The following MIPOL1 variants were observed in gnomAD, a reference collection of about 807,000 sequenced individuals.
The protein encoded by MIPOL1 is mirror-image polydactyly 1, also known as mirror-image polydactyly gene 1 protein.
MIPOL1 carries 57 observed loss-of-function variants against 60.9 expected under a neutral mutation model. The ratio of observed to expected loss-of-function variants is 0.94; its 90% CI spans 0.76 to 1.17. The LOEUF (loss-of-function observed/expected upper bound fraction) is 1.17, where lower values mean the gene tolerates loss of function less well. Ranked by LOEUF, MIPOL1 falls within the 50% of genes most tolerant of loss-of-function variation. The pLI is 0.00. For synonymous variants in MIPOL1, 179 were observed against 168.8 expected (o/e 1.06, Z -0.47); for missense variants, 551 against 511.6 (o/e 1.08, Z -0.74).
At chr14:37,446,285 A>G (rs532402470) in intron 11 of MIPOL1, among the ~76,000 whole-genome samples, 142 of 152,300 alleles carry the variant, frequency 9.3e-4, no homozygotes, top group African/African-American at 2.9e-3. Context: ...ACACTTCTCA[A>G]AAGAAGACAT....
At chr14:37,343,242 A>G (rs1373803491) in intron 9 of MIPOL1, among the ~76,000 whole-genome samples, 1 of 152,040 alleles carries the variant, frequency 6.6e-6, no homozygotes, top group Non-Finnish European at 1.5e-5. Flanking sequence ...TCTAAATTAA[A>G]TTGTTGATAT....
Position 37,529,211 on chromosome 14 carries a change from T to A in MIPOL1, c.1263-17694T>A, listed in dbSNP as rs147761819. On this transcript the variant is annotated intron_variant, in intron 12 of 12. Transcript: ENST00000684589. ...TATCACTTTTTGGAAAGATGTAGGATTTTAGTGGAAAATGTAGACTAGTGT... is the reference window on the plus strand; with the variant it reads ...TATCACTTTTTGGAAAGATGTAGGAATTTAGTGGAAAATGTAGACTAGTGT... 5.8e-3 allele frequency among the ~76,000 whole-genome samples: 886 copies of A among 152,286 alleles called. 10 individuals are homozygous for A. The highest frequency in any genetic ancestry group is 0.018 in the African/African-American group (766 of 41,556).
At chr14:37,505,812 A>T (rs943333166) in intron 12 of MIPOL1, 4 of 152,192 alleles carry the variant, frequency 2.6e-5, no homozygotes, top group African/African-American at 9.6e-5. Flanking sequence ...AGGAAGTCAA[A>T]TTGTCCCTGT....
At chr14:37,302,262 G>GTTTTTTTTTT (rs57468146) in intron 7 of MIPOL1, among the ~76,000 whole-genome samples, 4 of 95,032 alleles carry the variant, frequency 4.2e-5, no homozygotes, top group Non-Finnish European at 8.5e-5. Flanking sequence ...TGGAACTGTT[G>GTTTTTTTTTT]TTTTTTTTTT....
intron 6 of MIPOL1, chr14:37,276,242 T>C (rs931172586): frequency 1.3e-5 from 2 of 151,070 alleles, no homozygotes; most frequent in African/African-American, 4.8e-5. Context: ...TTTCTCTGCA[T>C]GCAAATTTAG....
intron 7 of MIPOL1, among the ~76,000 whole-genome samples, chr14:37,292,141 G>A (rs148827437): frequency 6.6e-6 from 1 of 151,772 alleles, no homozygotes; most frequent in Non-Finnish European, 1.5e-5. Context: ...TAGCCAGGAT[G>A]GTCTCTATCT....
intron 12 of MIPOL1, among the ~76,000 whole-genome samples, chr14:37,510,392 G>GT (rs947700786): frequency 2.6e-5 from 4 of 151,572 alleles, no homozygotes; most frequent in East Asian, 3.9e-4. Flanking sequence ...TATTTTTGGT[G>GT]TTTTTTTTGT....
chr14:37,308,737 T>C (rs2087008359), intron 9 of MIPOL1, among the ~76,000 whole-genome samples: 2 of 152,304 alleles, frequency 1.3e-5, no homozygotes, highest in Admixed American at 6.5e-5. Flanking sequence ...TAATGCAGTC[T>C]CATTTCTTAA....
At chr14:37,420,999 T>C (rs1431821680) in intron 10 of MIPOL1, among the ~76,000 whole-genome samples, 1 of 152,010 alleles carries the variant, frequency 6.6e-6, no homozygotes, top group Non-Finnish European at 1.5e-5. Context: ...AGGAAAAAAA[T>C]TAGATACTGG....
intron 11 of MIPOL1, among the ~76,000 whole-genome samples, chr14:37,484,131 C>T (rs1037732430): frequency 1.5e-4 from 23 of 152,024 alleles, no homozygotes; most frequent in African/African-American, 5.1e-4. Flanking sequence ...TTGTCTTTGG[C>T]GTTAGTTTTT....
At chr14:37,406,645 C>T (rs1040384877) in intron 10 of MIPOL1, among the ~76,000 whole-genome samples, 19 of 152,060 alleles carry the variant, frequency 1.2e-4, no homozygotes, top group Non-Finnish European at 2.2e-4. Flanking sequence ...AACCCACATT[C>T]CATCTGATGC....
chr14:37,471,368 G>C (rs769680508), intron 11 of MIPOL1, among the ~76,000 whole-genome samples: 1 of 152,136 alleles, frequency 6.6e-6, no homozygotes, highest in Non-Finnish European at 1.5e-5. Context: ...AACTAAAAAA[G>C]TAAGTTCCTG....
At chr14:37,241,112 A>AT (rs1972288277) in intron 1 of MIPOL1, among the ~76,000 whole-genome samples, 1 of 152,118 alleles carries the variant, frequency 6.6e-6, no homozygotes, top group Non-Finnish European at 1.5e-5. Flanking sequence ...AGCTGATGGT[A>AT]TATTTCCAGT....
chr14:37,501,756 A>C (rs947202375), intron 12 of MIPOL1: 1 of 152,192 alleles, frequency 6.6e-6, no homozygotes, highest in African/African-American at 2.4e-5. Flanking sequence ...TGGACAGTGC[A>C]TGCAGCCCAC....
At chr14:37,275,401 A>G (rs2083579204) in intron 6 of MIPOL1, among the ~76,000 whole-genome samples, 1 of 151,352 alleles carries the variant, frequency 6.6e-6, no homozygotes, top group Non-Finnish European at 1.5e-5. Flanking sequence ...AAAAAAAGTC[A>G]TTAAAACACA....
intron 7 of MIPOL1, among the ~76,000 whole-genome samples, chr14:37,288,199 G>A (rs143639928): frequency 8.6e-5 from 13 of 151,614 alleles, no homozygotes; most frequent in African/African-American, 3.1e-4. Context: ...TAGAGATGGG[G>A]CCTTGCTGTG....
chr14:37,447,671 C>T (rs778535559), intron 11 of MIPOL1, among the ~76,000 whole-genome samples: 2 of 152,078 alleles, frequency 1.3e-5, no homozygotes, highest in African/African-American at 2.4e-5. Context: ...GAACAAGAGG[C>T]AGAACAATGA....
Position 37,266,982 on chromosome 14 carries a change from A to G in MIPOL1, c.64A>G (p.Lys22Glu), listed in dbSNP as rs1309819458. The change falls in exon 4 of 13, where the codon AAA (lysine) becomes GAA (glutamate). Residue 22 changes from lysine to glutamate, a missense_variant. Lys to Glu is a moderately conservative substitution (Grantham distance 56, BLOSUM62 1). Coordinates refer to ENST00000684589, the MANE Select transcript of MIPOL1 (RefSeq NM_001388067.1). ...TGAACAAGAAACTACGGGGATAAAT[A>G]AAAGTACGCAGCCAGATGAGCAACT... ...YLEQETTGIN[K>E]STQPDEQLTM... 1 of 1,613,622 alleles carries G rather than the reference A, an allele frequency of 6.2e-7. No individual in the cohort carries two copies. The highest frequency in any genetic ancestry group is 8.5e-7 in the Non-Finnish European group (1 of 1,179,730).
intron 10 of MIPOL1, among the ~76,000 whole-genome samples, chr14:37,405,726 A>G (rs1230139653): frequency 6.7e-6 from 1 of 149,522 alleles, no homozygotes; most frequent in Non-Finnish European, 1.5e-5. Context: ...CTGTTTCAGT[A>G]AAAAAAAAGT....
Sources: allele counts gnomAD v4.1 joint callset (sites outside exome capture counted in the v4.1 genomes callset), GRCh38; gene constraint gnomAD v4.1.1; transcripts MANE v1.5; gene names NCBI Gene and HGNC (gene_info 2026-07-23, HGNC 2026-07-21).